The following INTS3 variants were observed in gnomAD, a reference collection of about 807,000 sequenced individuals.
INTS3 encodes SOSS complex subunit A.
In INTS3, 34 loss-of-function variants were observed where a neutral mutation model predicts 146.3. The ratio of observed to expected loss-of-function variants is 0.23; its 90% CI spans 0.18 to 0.31. INTS3 has a LOEUF of 0.31. Among genes scored for constraint, INTS3 ranks in the 10% least tolerant of loss-of-function variants. The pLI is 1.00. For synonymous variants in INTS3, 475 were observed against 494.9 expected (o/e 0.96, Z 0.53); for missense variants, 757 against 1,304.2 (o/e 0.58, Z 6.46).
Position 153,754,707 on chromosome 1 carries a change from A to C in INTS3, c.925A>C (p.Met309Leu). The part of the protein sequence containing the change: ...KFLACRLTPD[M>L]ETKLLFMTSR... Reference sequence around the variant, plus strand: ...CCTAGCATGTCGTCTAACCCCGGACATGGAGACTAAACTCCTCTTCATGAC... The same window carrying C: ...CCTAGCATGTCGTCTAACCCCGGACCTGGAGACTAAACTCCTCTTCATGAC... The change falls in exon 9 of 30, where the codon ATG (methionine) becomes CTG (leucine). Residue 309 changes from methionine to leucine, a missense_variant. Physicochemically the swap from Met to Leu is conservative, Grantham distance 15. Transcript: ENST00000318967. 1 of 1,613,068 alleles carries C rather than the reference A, an allele frequency of 6.2e-7. No homozygotes were observed. Among genetic ancestry groups the C allele is most frequent in the Non-Finnish European group, 8.5e-7 (1 of 1,179,006 alleles).
intron 23 of INTS3, 77 bp downstream of exon 23, chr1:153,769,921 G>A (rs1672750222): frequency 2.8e-6 from 3 of 1,083,470 alleles, no homozygotes; most frequent in Non-Finnish European, 4.3e-6. Context: ...TACACTATCA[G>A]GAAAGCTGGT....
Position 153,728,536 on chromosome 1 carries a change from T to C in INTS3, c.-99T>C. The C allele has an allele frequency of 4.2e-6, 6 of 1,428,216 alleles. No individual in the cohort carries two copies. The highest frequency in any genetic ancestry group is 5.6e-6 in the Non-Finnish European group (6 of 1,068,626). 88.5% of individuals were successfully genotyped at this position (1,428,216 alleles called of 1,614,324 possible). A position where few individuals can be genotyped will look rare whatever the true frequency, so the allele number is the denominator to read the frequency against. The stretch of plus-strand genomic sequence containing the variant: ...CCCTTGCTCTCCCCTCCCCAACTTG[T>C]TCCTCTTGCCCCCCAGTCCCTGGCA... On this transcript the variant is annotated 5_prime_UTR_variant, in exon 1 of 30. Coordinates refer to ENST00000318967, the MANE Select transcript of INTS3 (RefSeq NM_023015.5).
intron 1 of INTS3, among the ~76,000 whole-genome samples, chr1:153,731,611 C>G (rs1671064792): frequency 1.7e-5 from 2 of 119,822 alleles, no homozygotes; most frequent in African/African-American, 6.4e-5. Flanking sequence ...GAGATGGAGT[C>G]TCACTCTGTC....
intron 3 of INTS3, among the ~76,000 whole-genome samples, chr1:153,743,018 A>T (rs1283947059): frequency 6.6e-6 from 1 of 152,254 alleles, no homozygotes; most frequent in African/African-American, 2.4e-5. Context: ...AGGAGGACAC[A>T]GTTTTAGGCG....
chr1:153,755,461 T>C (rs1042680156), intron 9 of INTS3, among the ~76,000 whole-genome samples: 6 of 152,102 alleles, frequency 3.9e-5, no homozygotes, highest in African/African-American at 1.4e-4. Flanking sequence ...GATTTTTCCA[T>C]GTTGGTCAGG....
chr1:153,738,992 C>G (rs1445369074), intron 1 of INTS3, among the ~76,000 whole-genome samples: 12 of 151,086 alleles, frequency 7.9e-5, no homozygotes, highest in Admixed American at 7.9e-4. Context: ...CTCCCAGGTT[C>G]AAGCGATTCT....
intron 1 of INTS3, among the ~76,000 whole-genome samples, 158 bp downstream of exon 1, chr1:153,728,942 GA>G (rs1394209178): frequency 6.6e-6 from 1 of 152,098 alleles, no homozygotes; most frequent in East Asian, 1.9e-4. Flanking sequence ...GCTCCTGAGG[GA>G]AGAAATGTGG....
chr1:153,761,724 CA>C, intron 14 of INTS3, 48 bp downstream of exon 14: 1 of 1,330,066 alleles, frequency 7.5e-7, no homozygotes, highest in South Asian at 1.2e-5. Flanking sequence ...AGGGGCAAGA[CA>C]ACCAGGCCTT....
At chr1:153,738,726 A>G (rs1399715189) in intron 1 of INTS3, among the ~76,000 whole-genome samples, 4 of 152,166 alleles carry the variant, frequency 2.6e-5, no homozygotes, top group African/African-American at 9.7e-5. Flanking sequence ...CCATCCATTG[A>G]TGATGATATT....
At chr1:153,752,648 A>G (rs916105674) in intron 8 of INTS3, among the ~76,000 whole-genome samples, 4 of 152,200 alleles carry the variant, frequency 2.6e-5, no homozygotes, top group African/African-American at 9.7e-5. Context: ...CTACTAAGAA[A>G]AAAGTGAGAC....
intron 16 of INTS3, among the ~76,000 whole-genome samples, 198 bp downstream of exon 16, chr1:153,763,560 G>C (rs921273192): frequency 2.0e-5 from 3 of 152,166 alleles, no homozygotes; most frequent in African/African-American, 7.2e-5. Flanking sequence ...GCCTCATTCC[G>C]TAACACCTTG....
At chr1:153,734,658 G>C (rs1406662331) in intron 1 of INTS3, among the ~76,000 whole-genome samples, 1 of 152,196 alleles carries the variant, frequency 6.6e-6, no homozygotes, top group African/African-American at 2.4e-5. Context: ...CTCAGCAATA[G>C]ATCATTGCTG....
At chr1:153,760,280 G>C (rs373118227) in intron 11 of INTS3, 31 bp from the exon 12 acceptor site, 3 of 803,550 alleles carry the variant, frequency 3.7e-6, no homozygotes, top group Non-Finnish European at 6.4e-6. Context: ...ACTGACTGAT[G>C]TGAGGGGCTC....
intron 11 of INTS3, 53 bp from the exon 12 acceptor site, chr1:153,760,258 A>G (rs934879525): frequency 5.8e-6 from 5 of 858,946 alleles, no homozygotes; most frequent in Non-Finnish European, 9.2e-6. Context: ...AAAAAAAAAA[A>G]GAGAGAGAGA....
rs759022980 is a variant in INTS3 at position 153,762,781 on chromosome 1, G to T, written c.1570G>T (p.Asp524Tyr). 1 of 1,614,150 alleles carries T rather than the reference G, an allele frequency of 6.2e-7. No individual in the cohort carries two copies. The highest frequency in any genetic ancestry group is 8.5e-7 in the Non-Finnish European group (1 of 1,180,016). ...MEMDNHMSDKDESCYDNAEAA... is the reference protein window; with the variant it reads ...MEMDNHMSDKYESCYDNAEAA... ...GATGGACAACCATATGTCGGATAAG[G>T]ATGAGAGTTGCTATGACAATGCAGA... The change falls in exon 15 of 30, where the codon GAT (aspartate) becomes TAT (tyrosine). Residue 524 changes from aspartate (D) to tyrosine (Y), a missense_variant. By Grantham distance (160) the Asp-to-Tyr change is radical. Around this residue, in one of 8 missense-constraint regions of INTS3, gnomAD observed 97 missense variants for 113.6 expected, o/e 0.85. Transcript: ENST00000318967.
chr1:153,765,057 G>A lies in INTS3; in HGVS notation c.2084G>A (p.Arg695Lys), dbSNP rs1341440405. Residue 695 changes from arginine to lysine, a missense_variant, in exon 20 of 30, where the codon AGG becomes AAG. Coordinates refer to ENST00000318967, the MANE Select transcript of INTS3 (RefSeq NM_023015.5). ...GGCTACCACCTGCTCTACTACCTGA[G>A]GGCCAGGTGGGTATGGTCCCCATGT... ...KIGYHLLYYLRASKAAAGKMN... is the reference protein window; with the variant it reads ...KIGYHLLYYLKASKAAAGKMN... The A allele has an allele frequency of 6.2e-7, 1 of 1,614,130 alleles. No individual in the cohort carries two copies. Among genetic ancestry groups the A allele is most frequent in the African/African-American group, 1.3e-5 (1 of 75,024 alleles).
intron 19 of INTS3, 77 bp from the exon 20 acceptor site, chr1:153,764,867 A>T: frequency 6.3e-7 from 1 of 1,590,218 alleles, no homozygotes; most frequent in Non-Finnish European, 8.6e-7. Flanking sequence ...CAGACAGCCC[A>T]TGCCACCTGA....
chr1:153,768,778 G>A (rs545576949), intron 21 of INTS3, 115 bp from the exon 22 acceptor site: 3 of 764,226 alleles, frequency 3.9e-6, no homozygotes, highest in Non-Finnish European at 4.6e-6. Context: ...TTATTTTAGG[G>A]CCTGTGTCTG....
chr1:153,757,387 AT>A lies in INTS3; in HGVS notation c.958-175del, dbSNP rs113019058. ...GCAGGGCAAGCTAGAAATTTTCAGC[AT>A]TTTTTTTTTAATCAAGAAGTTCTCC... On this transcript the variant is annotated intron_variant, in intron 9 of 29. Coordinates refer to ENST00000318967, the MANE Select transcript of INTS3 (RefSeq NM_023015.5). This position sits in a 1 kb window ranked among gnomAD's most constrained non-coding sequence, Gnocchi z 4.0. Among the ~76,000 whole-genome samples, 2 of 149,912 alleles carry A rather than the reference AT, an allele frequency of 1.3e-5. No homozygotes were observed. The highest frequency in any genetic ancestry group is 2.4e-5 in the African/African-American group (1 of 40,918).
Sources: gnomAD v4.1 joint callset for allele counts (sites outside exome capture counted in the v4.1 genomes callset) on GRCh38, gnomAD v4.1.1 for gene constraint, gnomAD v4.1.1 regional missense constraint, Gnocchi (gnomAD v3.1) non-coding constraint, MANE v1.5 for transcripts, NCBI Gene and HGNC (gene_info 2026-07-23, HGNC 2026-07-21) for gene names.